The following MAF variants were observed in gnomAD, a reference collection of about 807,000 sequenced individuals.
The protein encoded by MAF is transcription factor Maf.
A neutral mutation model predicts 22.0 loss-of-function variants in MAF; 10 were observed. That is an observed-to-expected ratio of 0.45 (90% CI 0.28 to 0.77). The LOEUF (loss-of-function observed/expected upper bound fraction) is 0.77, where lower values mean the gene tolerates loss of function less well. Ranked by LOEUF, MAF falls within the 30% of genes least tolerant of loss-of-function variation. The pLI, the probability that MAF is intolerant of heterozygous loss-of-function variation, is 0.12. For missense variants in MAF, 544 were observed against 548.4 expected (o/e 0.99, Z 0.08); for synonymous variants, 337 against 255.8 (o/e 1.32, Z -3.03).
At chr16:79,274,262 T>A in the MAF span, among the ~76,000 whole-genome samples, 51 of 152,014 alleles carry the variant, frequency 3.4e-4, no homozygotes, top group Non-Finnish European at 6.8e-4. Flanking sequence ...GCCTTTTTTT[T>A]TTTTTAATTT....
chr16:79,353,296 T>C, the MAF span, among the ~76,000 whole-genome samples: 1 of 152,050 alleles, frequency 6.6e-6, no homozygotes, highest in Non-Finnish European at 1.5e-5. Context: ...ACCTAGCTAA[T>C]TTTTGTATTT....
chr16:79,263,223 C>T, the MAF span, among the ~76,000 whole-genome samples: 3 of 152,306 alleles, frequency 2.0e-5, no homozygotes, highest in African/African-American at 7.2e-5. Context: ...CGCATCATTG[C>T]ATCCAAGAGT....
the MAF span, among the ~76,000 whole-genome samples, chr16:79,298,740 G>C: frequency 6.6e-6 from 1 of 152,248 alleles, no homozygotes; most frequent in East Asian, 1.9e-4. Flanking sequence ...GGCTGAACTT[G>C]GGTGAAGCCA....
At chr16:79,509,682 G>A in the MAF span, among the ~76,000 whole-genome samples, 2 of 152,220 alleles carry the variant, frequency 1.3e-5, no homozygotes. Context: ...ATTCACAGTG[G>A]GGGCCCAGGG....
chr16:79,399,936 C>T, the MAF span, among the ~76,000 whole-genome samples: 1 of 152,156 alleles, frequency 6.6e-6, no homozygotes, highest in African/African-American at 2.4e-5. Flanking sequence ...TGGGTTAGTA[C>T]CTGCCCAAAT....
At chr16:79,468,841 G>C in the MAF span, among the ~76,000 whole-genome samples, 29 of 152,292 alleles carry the variant, frequency 1.9e-4, no homozygotes, top group African/African-American at 6.7e-4. Flanking sequence ...CTTGTCCTTG[G>C]TCAGGAAGGC....
At chr16:79,491,768 C>T in the MAF span, among the ~76,000 whole-genome samples, 5 of 152,306 alleles carry the variant, frequency 3.3e-5, no homozygotes, top group African/African-American at 1.2e-4. Flanking sequence ...AAGTCTCTTC[C>T]TATGAGCCTT....
the MAF span, among the ~76,000 whole-genome samples, chr16:79,368,095 C>T: frequency 6.6e-6 from 1 of 152,214 alleles, no homozygotes; most frequent in Non-Finnish European, 1.5e-5. Flanking sequence ...ATGCTGCTCC[C>T]TGCTCTCCAG....
chr16:79,221,721 G>T, the MAF span, among the ~76,000 whole-genome samples: 1 of 151,900 alleles, frequency 6.6e-6, no homozygotes, highest in Non-Finnish European at 1.5e-5. Context: ...GTGTATGTGT[G>T]TGTGTGCACG....
chr16:79,583,090 A>G (rs1347820068), downstream of MAF, among the ~76,000 whole-genome samples: 1 of 152,214 alleles, frequency 6.6e-6, no homozygotes. Context: ...AAGTAGCTAT[A>G]CACGTTGCGC....
At chr16:79,264,366 T>G in the MAF span, 2 of 152,234 alleles carry the variant, frequency 1.3e-5, no homozygotes, top group Non-Finnish European at 2.9e-5. Context: ...TATCCAATCT[T>G]TACTGTAACT....
chr16:79,488,039 A>T, the MAF span, among the ~76,000 whole-genome samples: 1 of 152,216 alleles, frequency 6.6e-6, no homozygotes, highest in African/African-American at 2.4e-5. Flanking sequence ...AACTATTTGC[A>T]TCAAGCATCG....
chr16:79,210,351 G>A, the MAF span, among the ~76,000 whole-genome samples: 1 of 152,120 alleles, frequency 6.6e-6, no homozygotes, highest in Non-Finnish European at 1.5e-5. Flanking sequence ...AGGGATCCTA[G>A]AATGCAAGCA....
the MAF span, among the ~76,000 whole-genome samples, chr16:79,255,729 G>A: frequency 2.0e-5 from 3 of 152,092 alleles, no homozygotes; most frequent in East Asian, 1.9e-4. Flanking sequence ...AGAGGTGGAC[G>A]CTCAGCTCAT....
the MAF span, among the ~76,000 whole-genome samples, chr16:79,507,054 G>C: frequency 6.6e-6 from 1 of 150,470 alleles, no homozygotes; most frequent in African/African-American, 2.5e-5. Flanking sequence ...AACCTCTGCT[G>C]TTTGTGTGTA....
At chr16:79,302,612 T>C in the MAF span, among the ~76,000 whole-genome samples, 2 of 152,258 alleles carry the variant, frequency 1.3e-5, no homozygotes, top group Non-Finnish European at 2.9e-5. Flanking sequence ...TGTTATTTCT[T>C]GCAGAAAGTT....
the MAF span, among the ~76,000 whole-genome samples, chr16:79,544,013 G>C: frequency 5.9e-3 from 905 of 152,238 alleles, 12 homozygotes; most frequent in African/African-American, 0.021. Context: ...TACCAAGGTA[G>C]AGAGACAGAC....
At chr16:79,508,402 T>C in the MAF span, among the ~76,000 whole-genome samples, 3 of 152,182 alleles carry the variant, frequency 2.0e-5, no homozygotes, top group Admixed American at 1.3e-4. Flanking sequence ...GCTTTCTCCA[T>C]GGGCCTCTCT....
the MAF span, among the ~76,000 whole-genome samples, chr16:79,273,266 C>T: frequency 6.6e-6 from 1 of 152,154 alleles, no homozygotes; most frequent in East Asian, 1.9e-4. Context: ...GTGGTCAGAG[C>T]ATTTATCTAA....
Sources: gnomAD v4.1 joint callset for allele counts (sites outside exome capture counted in the v4.1 genomes callset) on GRCh38, gnomAD v4.1.1 for gene constraint, MANE v1.5 for transcripts, NCBI Gene and HGNC (gene_info 2026-07-23, HGNC 2026-07-21) for gene names.